The following CCDC178 variants were observed in gnomAD, a reference collection of about 807,000 sequenced individuals.
CCDC178 encodes coiled-coil domain containing 178.
Under a neutral mutation model 117.4 loss-of-function variants are expected in CCDC178, and 126 were observed. The ratio of observed to expected loss-of-function variants is 1.07; its 90% CI spans 0.93 to 1.24. The LOEUF (loss-of-function observed/expected upper bound fraction) is 1.24. CCDC178 is among the 50% of genes most tolerant of loss of function. The pLI is 0.00. For missense variants in CCDC178, 1,030 were observed against 986.9 expected (o/e 1.04, Z -0.59); for synonymous variants, 283 against 313.4 (o/e 0.90, Z 1.02).
intron 20 of CCDC178, among the ~76,000 whole-genome samples, chr18:33,173,385 T>C (rs1044309230): frequency 7.2e-5 from 11 of 152,152 alleles, no homozygotes. Context: ...TTACTTGCTA[T>C]TTTCCTTCTA....
At chr18:33,018,156 T>G (rs141832087) in intron 21 of CCDC178, among the ~76,000 whole-genome samples, 218 of 152,136 alleles carry the variant, frequency 1.4e-3, no homozygotes, top group African/African-American at 5.0e-3. Context: ...AGAAGATATA[T>G]AAATGACTAA....
At chr18:33,156,529 C>T (rs2058399605) in intron 20 of CCDC178, among the ~76,000 whole-genome samples, 1 of 149,780 alleles carries the variant, frequency 6.7e-6, no homozygotes, top group South Asian at 2.1e-4. Flanking sequence ...GATTTTAATT[C>T]TGCATGACAC....
chr18:33,110,531 A>C (rs958821346), intron 20 of CCDC178, among the ~76,000 whole-genome samples: 1 of 151,638 alleles, frequency 6.6e-6, no homozygotes, highest in Non-Finnish European at 1.5e-5. Flanking sequence ...TAACTTTAAC[A>C]TTTATATCTG....
intron 6 of CCDC178, among the ~76,000 whole-genome samples, chr18:33,363,759 T>C (rs1221395415): frequency 6.6e-6 from 1 of 152,072 alleles, no homozygotes; most frequent in Non-Finnish European, 1.5e-5. Context: ...TCAGATCTGT[T>C]ACAGAACATG....
At chr18:33,164,973 T>G (rs1315555794) in intron 20 of CCDC178, among the ~76,000 whole-genome samples, 1 of 152,212 alleles carries the variant, frequency 6.6e-6, no homozygotes, top group Non-Finnish European at 1.5e-5. Flanking sequence ...TGTGGAGTTA[T>G]GCAGGTCTTC....
intron 7 of CCDC178, among the ~76,000 whole-genome samples, chr18:33,355,547 C>A (rs1221646169): frequency 2.6e-5 from 4 of 152,184 alleles, no homozygotes; most frequent in Non-Finnish European, 5.9e-5. Flanking sequence ...AGATTAGGAT[C>A]TTCTCAAGTC....
chr18:33,254,128 A>G (rs1215328904), intron 14 of CCDC178, among the ~76,000 whole-genome samples: 2 of 151,944 alleles, frequency 1.3e-5, no homozygotes. Context: ...TGGATGTGAC[A>G]TCAGAATACA....
chr18:33,226,747 T>C (rs943957480), intron 16 of CCDC178, 46 bp downstream of exon 16: 1 of 1,330,118 alleles, frequency 7.5e-7, no homozygotes, highest in Non-Finnish European at 1.1e-6. Flanking sequence ...CTAAGTAAAA[T>C]GCAAATTAAA....
intron 9 of CCDC178, among the ~76,000 whole-genome samples, chr18:33,339,564 T>C (rs2062787070): frequency 1.3e-5 from 2 of 151,696 alleles, no homozygotes; most frequent in Admixed American, 6.6e-5. Context: ...AGAGAGACCT[T>C]GATATGTTTT....
chr18:33,014,526 T>A (rs554714168), intron 21 of CCDC178, among the ~76,000 whole-genome samples: 1 of 152,334 alleles, frequency 6.6e-6, no homozygotes, highest in South Asian at 2.1e-4. Flanking sequence ...GCAGTTTACA[T>A]TCTCAGAAAA....
intron 20 of CCDC178, among the ~76,000 whole-genome samples, chr18:33,185,114 C>T (rs1208532898): frequency 6.6e-6 from 1 of 151,778 alleles, no homozygotes; most frequent in Non-Finnish European, 1.5e-5. Context: ...ACTCCTTAGC[C>T]CCCTCTTCCA....
chr18:33,127,037 C>CAT (rs1568005026), intron 20 of CCDC178, among the ~76,000 whole-genome samples: 6 of 147,588 alleles, frequency 4.1e-5, no homozygotes, highest in African/African-American at 1.5e-4. Flanking sequence ...CACACACACA[C>CAT]ACATGGATCT....
At chr18:33,348,854 T>C in intron 8 of CCDC178, 36 bp downstream of exon 8, 1 of 1,290,260 alleles carries the variant, frequency 7.8e-7, no homozygotes, top group Non-Finnish European at 1.1e-6. Context: ...AACTTTTAAA[T>C]ATATACAGTT....
At position 33,283,695 on chromosome 18, in the gene CCDC178, C is replaced by T. The variant is rs184947404; in HGVS notation, c.1176+9464G>A. On this transcript the variant is annotated intron_variant, in intron 12 of 22. Coordinates refer to ENST00000383096, the MANE Select transcript of CCDC178 (RefSeq NM_001105528.4). ...GATCATTACAAAAATGCAAACAAAACCACAATGAAATATCATCTCACACCA... is the reference window on the plus strand; with the variant it reads ...GATCATTACAAAAATGCAAACAAAATCACAATGAAATATCATCTCACACCA... Among the ~76,000 whole-genome samples, 357 of 152,140 alleles carry T rather than the reference C, an allele frequency of 2.3e-3. 2 individuals are homozygous for T. Among genetic ancestry groups the T allele is most frequent in the Admixed American group, 5.7e-3 (87 of 15,286 alleles).
In CCDC178 at chr18:33,306,412, TTGTGTGTGTGTGTGTG is replaced by T. The variant is rs71159815; in HGVS notation, c.1023-13116_1023-13101del. The stretch of plus-strand genomic sequence containing the variant: ...GTCCAAGGTAACAGCTATTGGATCT[TTGTGTGTGTGTGTGTG>T]TGTGTGTGTGTGTGTGTGTGTACAT... On this transcript the variant is annotated intron_variant, in intron 11 of 22. Transcript: ENST00000383096. Among the ~76,000 whole-genome samples the T allele has an allele frequency of 3.3e-3, 412 of 126,218 alleles. 5 individuals carry two copies. Among genetic ancestry groups the T allele is most frequent in the Non-Finnish European group, 4.0e-3 (243 of 60,856 alleles). The allele number at this position is 126,218 out of a possible 152,430, so 82.8% of individuals were successfully genotyped here. A position where few individuals can be genotyped will look rare whatever the true frequency, so the allele number is the denominator to read the frequency against.
At chr18:33,201,911 A>G (rs977254838) in intron 20 of CCDC178, among the ~76,000 whole-genome samples, 1 of 152,204 alleles carries the variant, frequency 6.6e-6, no homozygotes, top group Non-Finnish European at 1.5e-5. Context: ...CTGAGAAACA[A>G]TAATGTATTG....
chr18:33,173,633 T>G (rs180956141), intron 20 of CCDC178, among the ~76,000 whole-genome samples: 8 of 152,300 alleles, frequency 5.3e-5, no homozygotes, highest in African/African-American at 1.9e-4. Context: ...CCAAGTCTGG[T>G]TCTGAATTTC....
At chr18:33,426,370 T>C (rs2064125439) in intron 2 of CCDC178, among the ~76,000 whole-genome samples, 1 of 152,208 alleles carries the variant, frequency 6.6e-6, no homozygotes, top group African/African-American at 2.4e-5. Context: ...ATAAGGCAAT[T>C]TGCACCCTCA....
chr18:33,069,291 T>C (rs2057070516), intron 21 of CCDC178, among the ~76,000 whole-genome samples: 1 of 152,108 alleles, frequency 6.6e-6, no homozygotes, highest in Non-Finnish European at 1.5e-5. Context: ...ACTACAAAGC[T>C]GTAGTAATCA....
Sources: allele counts gnomAD v4.1 joint callset (sites outside exome capture counted in the v4.1 genomes callset), GRCh38; gene constraint gnomAD v4.1.1; transcripts MANE v1.5; gene names NCBI Gene and HGNC (gene_info 2026-07-23, HGNC 2026-07-21).